The following ASB11 variants were observed in gnomAD, a reference collection of about 807,000 sequenced individuals.
The protein encoded by ASB11 is ankyrin repeat and SOCS box protein 11.
ASB11 carries 17 observed loss-of-function variants against 20.1 expected under a neutral mutation model. That is an observed-to-expected ratio of 0.85 (90% CI 0.58 to 1.27). The LOEUF (loss-of-function observed/expected upper bound fraction) is 1.27. ASB11 is among the 50% of genes most tolerant of loss of function. ASB11 has a pLI of 0.00. For missense variants in ASB11, 259 were observed against 256.9 expected (o/e 1.01, Z -0.06); for synonymous variants, 107 against 105.6 (o/e 1.01, Z -0.08).
intron 2 of ASB11, among the ~76,000 whole-genome samples, chrX:15,301,107 C>T (rs1921050161): frequency 9.0e-6 from 1 of 110,946 alleles, no homozygotes; most frequent in Non-Finnish European, 1.9e-5. Context: ...GGATTATAGG[C>T]GCCCACCACC....
At chrX:15,293,962 C>T (rs895174104) in intron 3 of ASB11, among the ~76,000 whole-genome samples, 4 of 109,942 alleles carry the variant, frequency 3.6e-5, no homozygotes, top group Non-Finnish European at 7.6e-5. Flanking sequence ...CAACATGGCA[C>T]ATGTATACAT....
intron 5 of ASB11, 66 bp from the exon 6 acceptor site, chrX:15,288,138 T>C: frequency 9.7e-7 from 1 of 1,035,586 alleles, no homozygotes; most frequent in Non-Finnish European, 1.3e-6. Context: ...GCTTCAAATA[T>C]AGTCATTGCA....
intron 1 of ASB11, among the ~76,000 whole-genome samples, chrX:15,310,893 A>G (rs1317573296): frequency 2.7e-5 from 3 of 111,916 alleles, no homozygotes; most frequent in Non-Finnish European, 5.6e-5. Flanking sequence ...AGGCTGAGGC[A>G]GGAGAATCAC....
intron 3 of ASB11, among the ~76,000 whole-genome samples, chrX:15,297,109 C>T (rs777692960): frequency 8.9e-6 from 1 of 111,976 alleles, no homozygotes; most frequent in Non-Finnish European, 1.9e-5. Flanking sequence ...CTGGCTAACA[C>T]AGTGAAACTC....
At chrX:15,286,519 G>T (rs1006475152) in intron 6 of ASB11, among the ~76,000 whole-genome samples, 4 of 108,954 alleles carry the variant, frequency 3.7e-5, no homozygotes, top group African/African-American at 6.7e-5. Context: ...ACAAAAATTA[G>T]CTGGGTGTGG....
At position 15,282,413 on chromosome X, in the gene ASB11, C is replaced by T. The variant is rs1214081143; in HGVS notation, c.*1092G>A. 1 of 111,307 alleles carries T rather than the reference C, an allele frequency of 9.0e-6. No homozygotes were observed. The highest frequency in any genetic ancestry group is 1.9e-5 in the Non-Finnish European group (1 of 53,030). The allele number at this position is 111,307 out of a possible 1,213,427, so 9.2% of individuals were successfully genotyped here. On this transcript the variant is annotated 3_prime_UTR_variant, in exon 7 of 7. Coordinates refer to ENST00000480796, the MANE Select transcript of ASB11 (RefSeq NM_080873.3). ...AAGGAGAAGACAGAAAAGGAGAAGC[C>T]TCTTTTTATATACCTTTGTGCTTAT...
At chrX:15,288,742 G>A (rs1927453772) in intron 5 of ASB11, among the ~76,000 whole-genome samples, 1 of 110,338 alleles carries the variant, frequency 9.1e-6, no homozygotes, top group Admixed American at 9.8e-5. Context: ...TAAATTAGCC[G>A]GGTGTAGTGG....
At chrX:15,303,529 C>T (rs1875361883) in intron 1 of ASB11, among the ~76,000 whole-genome samples, 1 of 111,474 alleles carries the variant, frequency 9.0e-6, no homozygotes, top group African/African-American at 3.3e-5. Context: ...GAAGACATAT[C>T]TATTATACTG....
At chrX:15,288,199 T>C in intron 5 of ASB11, 127 bp from the exon 6 acceptor site, 1 of 737,216 alleles carries the variant, frequency 1.4e-6, no homozygotes, top group Non-Finnish European at 1.9e-6. Flanking sequence ...TTTGAAAATA[T>C]GCAACTCAAG....
intron 2 of ASB11, among the ~76,000 whole-genome samples, chrX:15,301,701 C>T (rs1569172295): frequency 8.9e-6 from 1 of 112,203 alleles, no homozygotes; most frequent in Admixed American, 9.4e-5. Flanking sequence ...AGCCTGCACA[C>T]TTTCATTCAT....
Position 15,315,526 on chromosome X carries a change from A to G in ASB11, c.80T>C (p.Leu27Ser), listed in dbSNP as rs771886491. 8.4e-7 allele frequency: 1 copy of G among 1,193,518 alleles called. No homozygotes were observed. Among genetic ancestry groups the G allele is most frequent in the Non-Finnish European group, 1.1e-6 (1 of 887,054 alleles). ...TAGGAGAGCCAAAAAAACTTTAATTAAAAGCTTAAAGAAAAAAAACGTAGC... is the reference window on the plus strand; with the variant it reads ...TAGGAGAGCCAAAAAAACTTTAATTGAAAGCTTAAAGAAAAAAAACGTAGC... ...MFATFFFFKL[L>S]IKVFLALLTH... Residue 27 changes from leucine to serine, a missense_variant, in exon 1 of 7, where the codon TTA becomes TCA. Physicochemically the swap from Leu to Ser is moderately radical, Grantham distance 145. Coordinates refer to ENST00000480796, the MANE Select transcript of ASB11 (RefSeq NM_080873.3).
At chrX:15,304,941 T>G (rs1371081728) in intron 1 of ASB11, among the ~76,000 whole-genome samples, 1 of 111,770 alleles carries the variant, frequency 8.9e-6, no homozygotes, top group African/African-American at 3.3e-5. Flanking sequence ...TAAGAGATTA[T>G]ATCTTATCAA....
intron 1 of ASB11, among the ~76,000 whole-genome samples, chrX:15,309,967 C>CAAAAAAAAAAA (rs60765469): frequency 1.9e-4 from 3 of 15,528 alleles, no homozygotes; most frequent in African/African-American, 4.2e-4. Flanking sequence ...GACTCCGTCT[C>CAAAAAAAAAAA]AAAAAAAAAA....
At chrX:15,289,708 T>C in intron 4 of ASB11, 70 bp from the exon 5 acceptor site, 7 of 1,115,095 alleles carry the variant, frequency 6.3e-6, no homozygotes, top group Non-Finnish European at 8.5e-6. Flanking sequence ...ATAGGATTGC[T>C]TATCTGAAAT....
At chrX:15,287,271 C>T (rs903627448) in intron 6 of ASB11, among the ~76,000 whole-genome samples, 4 of 113,031 alleles carry the variant, frequency 3.5e-5, no homozygotes, top group African/African-American at 6.4e-5. Context: ...CTCAATCATA[C>T]GCTTATGCCA....
Position 15,293,277 on chromosome X carries a change from G to C in ASB11, c.413C>G (p.Ala138Gly). 8.3e-7 allele frequency: 1 copy of C among 1,211,420 alleles called. No individual in the cohort carries two copies. Among genetic ancestry groups the C allele is most frequent in the Non-Finnish European group, 1.1e-6 (1 of 895,293 alleles). The change falls in exon 4 of 7, where the codon GCT becomes GGT. Residue 138 changes from alanine (A) to glycine (G), a missense_variant. Transcript: ENST00000480796. ...TVHGATPLFN[A>G]CCSGSAACVN... ...ACATGCAGCACTGCCGCTGCAGCAAGCATTGAAGAGGGGTGTGGCTCCGTG... is the reference window on the plus strand; with the variant it reads ...ACATGCAGCACTGCCGCTGCAGCAACCATTGAAGAGGGGTGTGGCTCCGTG...
At chrX:15,307,733 G>A (rs1438581749) in intron 1 of ASB11, among the ~76,000 whole-genome samples, 1 of 111,891 alleles carries the variant, frequency 8.9e-6, no homozygotes, top group Admixed American at 9.4e-5. Context: ...GGTGAGGACT[G>A]TTTGCAAGAG....
chrX:15,297,213 AC>A (rs1266107324), intron 3 of ASB11, among the ~76,000 whole-genome samples: 1 of 111,344 alleles, frequency 9.0e-6, no homozygotes, highest in Non-Finnish European at 1.9e-5. Context: ...AATGGCGTGA[AC>A]CCCGGCAGAG....
chrX:15,285,569 T>C (rs1171626908), intron 6 of ASB11, among the ~76,000 whole-genome samples: 1 of 111,972 alleles, frequency 8.9e-6, no homozygotes, highest in African/African-American at 3.2e-5. Flanking sequence ...AAATAGGAAA[T>C]GTGAAAACTT....
Sources: allele counts gnomAD v4.1 joint callset (sites outside exome capture counted in the v4.1 genomes callset), GRCh38; gene constraint gnomAD v4.1.1; transcripts MANE v1.5; gene names NCBI Gene and HGNC (gene_info 2026-07-23, HGNC 2026-07-21).